Variants in PGBD5 observed in about 807,000 individuals in gnomAD.
PGBD5 encodes the protein piggyBac transposable element derived 5.
PGBD5 carries 14 observed loss-of-function variants against 47.9 expected under a neutral mutation model. That is an observed-to-expected ratio of 0.29 (90% CI 0.19 to 0.46). The LOEUF is 0.46. PGBD5 is among the 20% of genes least tolerant of loss of function. The pLI, the probability that PGBD5 is intolerant of heterozygous loss-of-function variation, is 1.00. For synonymous variants in PGBD5, 316 were observed against 306.3 expected, an observed-to-expected ratio of 1.03 and a Z score of -0.33; for missense variants, 635 against 716.0, an observed-to-expected ratio of 0.89 and a Z score of 1.29.
At chr1:230,375,069 CCCTGA>C (rs1213607232) in intron 1 of PGBD5, among the ~76,000 whole-genome samples, 1 of 152,300 alleles carries the variant, frequency 6.6e-6, no homozygotes, top group South Asian at 2.1e-4. Context: ...TTTCCCTCTT[CCCTGA>C]CCTAAGTTTC....
At chr1:230,368,175 G>T (rs572659226) in intron 1 of PGBD5, 8 of 1,363,586 alleles carry the variant, frequency 5.9e-6, no homozygotes, top group Admixed American at 1.9e-5. Context: ...GGAGGAGAGA[G>T]AAGGCTTGGG....
intron 1 of PGBD5, among the ~76,000 whole-genome samples, chr1:230,416,119 T>G (rs868411495): frequency 3.9e-5 from 6 of 152,320 alleles, no homozygotes; most frequent in Middle Eastern, 3.4e-3. Context: ...CCTGCCTATC[T>G]TGGGTGTCTC....
intron 1 of PGBD5, among the ~76,000 whole-genome samples, chr1:230,363,971 G>C (rs368663209): frequency 2.6e-5 from 4 of 152,276 alleles, no homozygotes; most frequent in East Asian, 1.9e-4. Context: ...CATTTCTCTC[G>C]CATCCCTTTT....
chr1:230,400,342 C>T (rs911596210), intron 1 of PGBD5, among the ~76,000 whole-genome samples: 1 of 151,900 alleles, frequency 6.6e-6, no homozygotes, highest in South Asian at 2.1e-4. Context: ...ACCCCTCCCC[C>T]ACACTCTCAA....
chr1:230,336,465 T>G (rs1165026672), intron 4 of PGBD5, among the ~76,000 whole-genome samples: 2 of 152,196 alleles, frequency 1.3e-5, no homozygotes, highest in Non-Finnish European at 2.9e-5. Context: ...GCACTTTTTG[T>G]GCTGCTTCTG....
intron 1 of PGBD5, among the ~76,000 whole-genome samples, chr1:230,396,190 A>C (rs1302245213): frequency 1.3e-3 from 67 of 52,726 alleles, no homozygotes; most frequent in Admixed American, 1.6e-3. Flanking sequence ...ATTCCTTTTT[A>C]CCCCCCCACT....
intron 1 of PGBD5, among the ~76,000 whole-genome samples, chr1:230,424,419 G>A (rs987681763): frequency 4.6e-5 from 7 of 152,126 alleles, no homozygotes; most frequent in African/African-American, 1.7e-4. Flanking sequence ...CTTTAGCTCC[G>A]CGCATCCACA....
chr1:230,387,793 C>T (rs922922159), intron 1 of PGBD5, among the ~76,000 whole-genome samples: 6 of 152,174 alleles, frequency 3.9e-5, no homozygotes, highest in Non-Finnish European at 8.8e-5. Flanking sequence ...TGTTCCCACA[C>T]GCTCCTAGGC....
At chr1:230,415,076 G>C (rs543364000) in intron 1 of PGBD5, among the ~76,000 whole-genome samples, 1 of 152,256 alleles carries the variant, frequency 6.6e-6, no homozygotes, top group South Asian at 2.1e-4. Context: ...ACCAGCTTAG[G>C]CAACATAGTG....
chr1:230,408,296 G>C (rs1052383338), intron 1 of PGBD5, among the ~76,000 whole-genome samples: 13 of 137,528 alleles, frequency 9.5e-5, no homozygotes, highest in African/African-American at 3.2e-4. Context: ...GCTTCGTCTT[G>C]ACTTAAGCAA....
intron 3 of PGBD5, among the ~76,000 whole-genome samples, chr1:230,338,449 T>C (rs1667360881): frequency 6.6e-6 from 1 of 152,242 alleles, no homozygotes; most frequent in African/African-American, 2.4e-5. Context: ...AGGGACTGCG[T>C]TCAGCTCCTG....
At position 230,357,233 on chromosome 1, in the gene PGBD5, C is replaced by T. The variant is rs148965654; in HGVS notation, c.420G>A (p.Val140=). 657 of 1,614,172 alleles carry T rather than the reference C, an allele frequency of 4.1e-4. 4 individuals carry two copies. In the African/African-American group the frequency reaches 8.1e-3, roughly 20 times the overall value. Reference sequence around the variant, plus strand: ...ACTTCTTGGCATACATGTTTGTCTGCACCACCATGTTCTTGAGGACGTTGT... The same window carrying T: ...ACTTCTTGGCATACATGTTTGTCTGTACCACCATGTTCTTGAGGACGTTGT... The part of the protein sequence containing the change: ...VPDNVLKNMV[V]QTNMYAKKFQ... The change falls in exon 2 of 7, where the codon GTG becomes GTA. Residue 140 remains valine (V), a synonymous_variant. Transcript: ENST00000391860. This position sits in a 1 kb window ranked among gnomAD's most constrained non-coding sequence, Gnocchi z 5.7.
At chr1:230,349,438 G>A (rs1667527099) in intron 3 of PGBD5, among the ~76,000 whole-genome samples, 1 of 151,106 alleles carries the variant, frequency 6.6e-6, no homozygotes, top group African/African-American at 2.4e-5. Context: ...GAGAGGCTGA[G>A]GTGACCAGAT....
intron 1 of PGBD5, among the ~76,000 whole-genome samples, chr1:230,399,693 T>C (rs1657087378): frequency 6.6e-6 from 1 of 152,018 alleles, no homozygotes; most frequent in South Asian, 2.1e-4. Context: ...GTCAAGTGGC[T>C]GAAGGACCCC....
intron 1 of PGBD5, among the ~76,000 whole-genome samples, chr1:230,384,539 G>A (rs865824359): frequency 7.2e-5 from 11 of 152,148 alleles, no homozygotes; most frequent in South Asian, 6.2e-4. Context: ...CTGGGCACGC[G>A]CTGGACAGCA....
chr1:230,335,758 T>TAG (rs1558192707), intron 4 of PGBD5, among the ~76,000 whole-genome samples: 12 of 386 alleles, frequency 0.031, no homozygotes, highest in African/African-American at 0.049. Context: ...CACACACAGA[T>TAG]ACACAGATAC....
At position 230,386,199 on chromosome 1, in the gene PGBD5, G is replaced by A. The variant is rs548485872; in HGVS notation, c.332-28878C>T. ...GCAGGTGTGGTGGTGCATGCCTGTAGTCACAGCTACTCGGAAGGCTGAGGT... is the reference window on the plus strand; with the variant it reads ...GCAGGTGTGGTGGTGCATGCCTGTAATCACAGCTACTCGGAAGGCTGAGGT... On this transcript the variant is annotated intron_variant, in intron 1 of 6. Coordinates refer to ENST00000391860, the MANE Select transcript of PGBD5 (RefSeq NM_001258311.2). Among the ~76,000 whole-genome samples, 11 of 152,064 alleles carry A rather than the reference G, an allele frequency of 7.2e-5. No homozygotes were observed. The South Asian group carries it at 2.3e-3, about 32-fold the overall frequency.
chr1:230,340,288 T>A (rs1488922416), intron 3 of PGBD5, among the ~76,000 whole-genome samples: 1 of 152,184 alleles, frequency 6.6e-6, no homozygotes, highest in African/African-American at 2.4e-5. Context: ...AAATTAACAA[T>A]GACCTAACTA....
intron 3 of PGBD5, among the ~76,000 whole-genome samples, chr1:230,348,379 G>A (rs1003033739): frequency 2.0e-5 from 3 of 152,198 alleles, no homozygotes; most frequent in African/African-American, 7.2e-5. Flanking sequence ...ATGGACGAGG[G>A]AAGAGGCAGG....
Sources: allele counts gnomAD v4.1 joint callset (sites outside exome capture counted in the v4.1 genomes callset), GRCh38; gene constraint gnomAD v4.1.1; non-coding constraint Gnocchi (gnomAD v3.1); transcripts MANE v1.5; gene names NCBI Gene and HGNC (gene_info 2026-07-23, HGNC 2026-07-21).